EDN3: variants seen among roughly 807,000 people sequenced by gnomAD.
EDN3 encodes the protein endothelin 3, also known as endothelin-3.
A neutral mutation model predicts 21.4 loss-of-function variants in EDN3; 9 were observed. That is an observed-to-expected ratio of 0.42 (90% CI 0.25 to 0.73). EDN3 has a LOEUF of 0.73. Among genes scored for constraint, EDN3 ranks in the 30% least tolerant of loss-of-function variants. The pLI is 0.26. For missense variants in EDN3, 327 were observed against 309.4 expected (o/e 1.06, Z -0.43); for synonymous variants, 133 against 126.2 (o/e 1.05, Z -0.36).
rs552140803 is a variant in EDN3 at position 59,310,164 on chromosome 20, C to T, written c.365+8442C>T. Among the ~76,000 whole-genome samples, 3 of 152,286 alleles carry T rather than the reference C, an allele frequency of 2.0e-5. No homozygotes were observed. In the South Asian group the frequency reaches 6.2e-4, roughly 32 times the overall value. On this transcript the variant is annotated intron_variant, in intron 2 of 4. Coordinates refer to ENST00000337938, the MANE Select transcript of EDN3 (RefSeq NM_207034.3). Reference sequence around the variant, plus strand: ...TCTGCTTTATAATTCCAGTTCCAAACCTCAGAGGGGGAGCTGTAAAGGGTG... The same window carrying T: ...TCTGCTTTATAATTCCAGTTCCAAATCTCAGAGGGGGAGCTGTAAAGGGTG...
Position 59,324,648 on chromosome 20 carries a change from T to C in EDN3, c.*189T>C. On this transcript the variant is annotated 3_prime_UTR_variant, in exon 5 of 5. Coordinates refer to ENST00000337938, the MANE Select transcript of EDN3 (RefSeq NM_207034.3). Reference sequence around the variant, plus strand: ...CAAATCCGAATGACCCCAGTTTTCCTAATGAGTAAAATGATCCCAGATGTG... The same window carrying C: ...CAAATCCGAATGACCCCAGTTTTCCCAATGAGTAAAATGATCCCAGATGTG... 1.4e-6 allele frequency: 1 copy of C among 729,634 alleles called. No homozygotes were observed. The highest frequency in any genetic ancestry group is 2.3e-6 in the Non-Finnish European group (1 of 439,336). The allele number at this position is 729,634 out of a possible 1,614,324, so 45.2% of individuals were successfully genotyped here.
chr20:59,311,384 G>A (rs1989799766), intron 2 of EDN3, among the ~76,000 whole-genome samples: 3 of 152,144 alleles, frequency 2.0e-5, no homozygotes, highest in Admixed American at 2.0e-4. Context: ...ATAGAGCAGT[G>A]GTATGGGCTG....
chr20:59,320,326 A>T (rs1264595676), intron 2 of EDN3, among the ~76,000 whole-genome samples: 1 of 152,236 alleles, frequency 6.6e-6, no homozygotes. Flanking sequence ...CCATCTTCTC[A>T]TTAGCACAAA....
chr20:59,313,399 C>T (rs1248115833), intron 2 of EDN3, among the ~76,000 whole-genome samples: 2 of 152,162 alleles, frequency 1.3e-5, no homozygotes, highest in African/African-American at 4.8e-5. Context: ...AACGAAGGAA[C>T]TGGCCCTCAT....
chr20:59,308,722 A>G (rs1004341385), intron 2 of EDN3, among the ~76,000 whole-genome samples: 1 of 152,218 alleles, frequency 6.6e-6, no homozygotes, highest in African/African-American at 2.4e-5. Context: ...GGTGGCCACA[A>G]TGATAACAAC....
At chr20:59,319,742 A>G (rs899309618) in intron 2 of EDN3, among the ~76,000 whole-genome samples, 11 of 150,908 alleles carry the variant, frequency 7.3e-5, no homozygotes, top group African/African-American at 1.5e-4. Flanking sequence ...AAAAAAAAAA[A>G]GAAAAAAAAG....
chr20:59,318,430 GCT>G (rs1156677682), intron 2 of EDN3, among the ~76,000 whole-genome samples: 11 of 152,228 alleles, frequency 7.2e-5, no homozygotes, highest in South Asian at 2.1e-4. Context: ...TCGTTTCAGG[GCT>G]TATCAGATCG....
Position 59,301,773 on chromosome 20 carries a change from T to C in EDN3, c.365+51T>C, listed in dbSNP as rs775613931. 2.5e-6 allele frequency: 4 copies of C among 1,592,376 alleles called. No homozygotes were observed. In the African/African-American group the frequency reaches 5.4e-5, roughly 21 times the overall value. On this transcript the variant is annotated intron_variant, in intron 2 of 4. Transcript: ENST00000337938. Reference sequence around the variant, plus strand: ...ACGTGGCTCCCGGACCAGGCCCACATCTGCTCATTCCCAGGAGGACCTCAC... The same window carrying C: ...ACGTGGCTCCCGGACCAGGCCCACACCTGCTCATTCCCAGGAGGACCTCAC...
chr20:59,301,895 C>T (rs1224744349), intron 2 of EDN3, among the ~76,000 whole-genome samples, 173 bp downstream of exon 2: 2 of 152,148 alleles, frequency 1.3e-5, no homozygotes, highest in Non-Finnish European at 2.9e-5. Context: ...TTCTGCAGGT[C>T]AGGGGTGTGA....
At chr20:59,313,528 A>G (rs73129448) in intron 2 of EDN3, among the ~76,000 whole-genome samples, 157 of 152,308 alleles carry the variant, frequency 1.0e-3, no homozygotes, top group Middle Eastern at 0.01. Flanking sequence ...TGAGGGGGAA[A>G]GGAGGGGGAT....
chr20:59,319,180 C>T (rs1425404984), intron 2 of EDN3, among the ~76,000 whole-genome samples: 3 of 152,032 alleles, frequency 2.0e-5, no homozygotes, highest in African/African-American at 4.8e-5. Flanking sequence ...GATCCCACCA[C>T]CTCTGTTTCT....
At chr20:59,321,244 G>A (rs764755699) in intron 3 of EDN3, 51 bp downstream of exon 3, 32 of 1,591,810 alleles carry the variant, frequency 2.0e-5, no homozygotes, top group East Asian at 1.8e-4. Flanking sequence ...ATCAACCCTC[G>A]GCAAGGCCAG....
intron 2 of EDN3, among the ~76,000 whole-genome samples, chr20:59,310,469 T>C (rs1989724849): frequency 6.6e-6 from 1 of 152,166 alleles, no homozygotes; most frequent in African/African-American, 2.4e-5. Flanking sequence ...GAATCCTGGC[T>C]CACCCACCAA....
At chr20:59,300,958 G>A (rs985001049) in intron 1 of EDN3, 94 bp downstream of exon 1, 1 of 1,454,184 alleles carries the variant, frequency 6.9e-7, no homozygotes. Context: ...TGTGCGTCGC[G>A]GGGAGCAAAC....
intron 2 of EDN3, among the ~76,000 whole-genome samples, chr20:59,320,270 A>G (rs1412378542): frequency 6.6e-6 from 1 of 152,178 alleles, no homozygotes; most frequent in Non-Finnish European, 1.5e-5. Flanking sequence ...TGAGGAAGCA[A>G]CTTTCAAAGG....
chr20:59,317,669 C>T (rs538458092), intron 2 of EDN3, among the ~76,000 whole-genome samples: 1 of 152,274 alleles, frequency 6.6e-6, no homozygotes, highest in Admixed American at 6.5e-5. Context: ...AGGGATGTGC[C>T]TTTCTGTGTC....
Position 59,324,476 on chromosome 20 carries a change from CA to C in EDN3, c.*18del. On this transcript the variant is annotated 3_prime_UTR_variant, in exon 5 of 5. Coordinates refer to ENST00000337938, the MANE Select transcript of EDN3 (RefSeq NM_207034.3). Reference sequence around the variant, plus strand: ...GCCCCTTAGGAGGACAGGCCTGCAGCATCCTGGTCTCGGGAGGCTTCTGTCA... The same window carrying C: ...GCCCCTTAGGAGGACAGGCCTGCAGCTCCTGGTCTCGGGAGGCTTCTGTCA... 6.2e-7 allele frequency: 1 copy of C among 1,613,982 alleles called. No homozygotes were observed. The highest frequency in any genetic ancestry group is 2.2e-5 in the East Asian group (1 of 44,866).
intron 2 of EDN3, among the ~76,000 whole-genome samples, chr20:59,302,113 A>G (rs1989091971): frequency 6.6e-6 from 1 of 152,088 alleles, no homozygotes; most frequent in Admixed American, 6.5e-5. Context: ...CTCACTGTTG[A>G]CCCCACCAGG....
chr20:59,322,415 A>T lies in EDN3; in HGVS notation c.586A>T (p.Lys196Ter), dbSNP rs1990606886. 6.2e-7 allele frequency: 1 copy of T among 1,614,088 alleles called. No individual in the cohort carries two copies. Among genetic ancestry groups the T allele is most frequent in the Non-Finnish European group, 8.5e-7 (1 of 1,180,038 alleles). Reference protein sequence around the residue: ...AEKTDKEEEGKVEVKDQQSKQ... With the variant: ...AEKTDKEEEG The stretch of plus-strand genomic sequence containing the variant: ...AAAAACAGACAAAGAAGAGGAAGGG[A>T]AGGTGAGAGGTGCCAACAGAGGCCT... The change falls in exon 4 of 5, where the codon AAG becomes TAG. Residue 196 changes from lysine (K) to a stop codon, truncating the protein, a stop_gained and splice_region_variant. Transcript: ENST00000337938. LOFTEE classifies it low-confidence loss of function (END_TRUNC). The surrounding 1 kb of genome is among the most constrained non-coding windows in gnomAD (Gnocchi z 4.1).
Sources: allele counts gnomAD v4.1 joint callset (sites outside exome capture counted in the v4.1 genomes callset), GRCh38; gene constraint gnomAD v4.1.1; non-coding constraint Gnocchi (gnomAD v3.1); transcripts MANE v1.5; gene names NCBI Gene and HGNC (gene_info 2026-07-23, HGNC 2026-07-21).